DPYSL3: variants seen among roughly 807,000 people sequenced by gnomAD.
DPYSL3 encodes the protein dihydropyrimidinase-related protein 3.
Under a neutral mutation model 66.1 loss-of-function variants are expected in DPYSL3, and 16 were observed. The ratio of observed to expected loss-of-function variants is 0.24; its 90% CI spans 0.16 to 0.37. The LOEUF (loss-of-function observed/expected upper bound fraction) is 0.37, where lower values mean the gene tolerates loss of function less well. DPYSL3 is among the 10% of genes least tolerant of loss of function. The probability of loss-of-function intolerance (pLI) is 1.00; values close to 1 mark genes in which losing one functional copy is unlikely to be tolerated. For synonymous variants in DPYSL3, 338 were observed against 345.1 expected, an observed-to-expected ratio of 0.98 and a Z score of 0.23; for missense variants, 738 against 916.2, an observed-to-expected ratio of 0.81 and a Z score of 2.51.
At chr5:147,486,403 G>A (rs118155712) in intron 1 of DPYSL3, among the ~76,000 whole-genome samples, 1 of 152,244 alleles carries the variant, frequency 6.6e-6, no homozygotes, top group East Asian at 1.9e-4. Context: ...CACCTCTCAA[G>A]TCCTCAGTTT....
intron 2 of DPYSL3, among the ~76,000 whole-genome samples, chr5:147,422,327 C>A (rs952400323): frequency 1.3e-5 from 2 of 152,074 alleles, no homozygotes; most frequent in African/African-American, 4.8e-5. Flanking sequence ...GTTAGAATGG[C>A]GATCATTAAG....
intron 1 of DPYSL3, chr5:147,472,664 C>T (rs1245878745): frequency 1.3e-5 from 2 of 152,128 alleles, no homozygotes; most frequent in Non-Finnish European, 2.9e-5. Flanking sequence ...TATGACCCTG[C>T]CTTTAAGTAT....
chr5:147,450,476 G>C (rs1005350029), intron 1 of DPYSL3, among the ~76,000 whole-genome samples: 8 of 152,118 alleles, frequency 5.3e-5, no homozygotes, highest in Non-Finnish European at 1.2e-4. Flanking sequence ...TAGAAGCAAG[G>C]CTTGTGTTGA....
chr5:147,437,910 C>A (rs1752443658), intron 1 of DPYSL3, among the ~76,000 whole-genome samples: 1 of 152,186 alleles, frequency 6.6e-6, no homozygotes. Flanking sequence ...CTCCCTAAAT[C>A]TTCTCAGGTC....
chr5:147,437,379 G>T (rs1172755595), intron 1 of DPYSL3, among the ~76,000 whole-genome samples: 4 of 152,194 alleles, frequency 2.6e-5, no homozygotes, highest in African/African-American at 9.6e-5. Context: ...TCAAATGACA[G>T]GCAATAGCTC....
chr5:147,418,364 T>G, intron 3 of DPYSL3, 83 bp downstream of exon 3: 2 of 1,374,536 alleles, frequency 1.5e-6, no homozygotes, highest in Non-Finnish European at 2.0e-6. Flanking sequence ...GTATACAAGT[T>G]ATAGTAAGAG....
intron 1 of DPYSL3, among the ~76,000 whole-genome samples, chr5:147,461,876 G>A (rs1359051621): frequency 6.6e-6 from 1 of 152,098 alleles, no homozygotes; most frequent in Non-Finnish European, 1.5e-5. Context: ...TGGTTTCTTA[G>A]TCTCTGGGGT....
chr5:147,497,057 A>C (rs1753527789), intron 1 of DPYSL3, among the ~76,000 whole-genome samples: 1 of 152,226 alleles, frequency 6.6e-6, no homozygotes, highest in Non-Finnish European at 1.5e-5. Flanking sequence ...ACACCACGGA[A>C]TACTATGCAG....
At chr5:147,492,337 A>G (rs1753428446) in intron 1 of DPYSL3, among the ~76,000 whole-genome samples, 1 of 152,164 alleles carries the variant, frequency 6.6e-6, no homozygotes, top group Admixed American at 6.5e-5. Flanking sequence ...CTACATAAAG[A>G]AAAGAAGACC....
chr5:147,459,686 C>T (rs1158561838), intron 1 of DPYSL3, among the ~76,000 whole-genome samples: 1 of 152,152 alleles, frequency 6.6e-6, no homozygotes, highest in Non-Finnish European at 1.5e-5. Context: ...CAAAGGTATG[C>T]AATCCTACGT....
intron 1 of DPYSL3, among the ~76,000 whole-genome samples, chr5:147,438,134 T>C (rs1471870087): frequency 6.6e-6 from 1 of 152,136 alleles, no homozygotes; most frequent in Non-Finnish European, 1.5e-5. Flanking sequence ...AAGCAGACAA[T>C]GGTGATGACT....
chr5:147,466,931 G>A (rs938308818), intron 1 of DPYSL3, among the ~76,000 whole-genome samples: 1 of 152,126 alleles, frequency 6.6e-6, no homozygotes, highest in Non-Finnish European at 1.5e-5. Context: ...TATCCAAGGA[G>A]CCCTGGGATG....
At chr5:147,410,303 C>T (rs1049355734) in intron 6 of DPYSL3, among the ~76,000 whole-genome samples, 3 of 152,144 alleles carry the variant, frequency 2.0e-5, no homozygotes, top group African/African-American at 7.2e-5. Context: ...TTTCAAAATA[C>T]ACTTGCCTGA....
At chr5:147,408,705 C>T in intron 7 of DPYSL3, 23 bp downstream of exon 7, 1 of 1,612,004 alleles carries the variant, frequency 6.2e-7, no homozygotes, top group East Asian at 2.2e-5. Context: ...GTTGTGTGTG[C>T]ACCTTCATCC....
chr5:147,478,673 G>C (rs1414943052), intron 1 of DPYSL3, among the ~76,000 whole-genome samples: 4 of 152,132 alleles, frequency 2.6e-5, no homozygotes, highest in Admixed American at 6.5e-5. Flanking sequence ...ACACACACCA[G>C]CATGCATTTC....
chr5:147,504,277 T>C (rs550145645), intron 1 of DPYSL3, among the ~76,000 whole-genome samples: 1 of 152,348 alleles, frequency 6.6e-6, no homozygotes, highest in East Asian at 1.9e-4. Flanking sequence ...ACCATTACTT[T>C]GAGGGAACTC....
At chr5:147,439,641 G>A (rs1183856447) in intron 1 of DPYSL3, among the ~76,000 whole-genome samples, 1 of 152,136 alleles carries the variant, frequency 6.6e-6, no homozygotes, top group Non-Finnish European at 1.5e-5. Flanking sequence ...AACGAATTTA[G>A]GGGTAGGCAA....
intron 8 of DPYSL3, among the ~76,000 whole-genome samples, chr5:147,403,664 T>C (rs1027048818): frequency 1.3e-5 from 2 of 152,180 alleles, no homozygotes; most frequent in Non-Finnish European, 2.9e-5. Flanking sequence ...GCCCTGATGA[T>C]TGGTGACTAA....
At chr5:147,399,375 G>T (rs989740417) in intron 10 of DPYSL3, 123 bp from the exon 11 acceptor site, 1 of 1,155,318 alleles carries the variant, frequency 8.7e-7, no homozygotes, top group Middle Eastern at 3.0e-4. Flanking sequence ...CACCTGAAAA[G>T]CTGGTGAGCT....
Sources: allele counts gnomAD v4.1 joint callset (sites outside exome capture counted in the v4.1 genomes callset), GRCh38; gene constraint gnomAD v4.1.1; transcripts MANE v1.5; gene names NCBI Gene and HGNC (gene_info 2026-07-23, HGNC 2026-07-21).